ATF1: variants seen among roughly 807,000 people sequenced by gnomAD.
ATF1 encodes cyclic AMP-dependent transcription factor ATF-1.
ATF1 carries 16 observed loss-of-function variants against 34.7 expected under a neutral mutation model. That is an observed-to-expected ratio of 0.46 (90% CI 0.31 to 0.70). The LOEUF (loss-of-function observed/expected upper bound fraction) is 0.70. ATF1 is among the 30% of genes least tolerant of loss of function. ATF1 has a pLI of 0.05. For missense variants in ATF1, 255 were observed against 321.6 expected, an observed-to-expected ratio of 0.79 and a Z score of 1.58; for synonymous variants, 105 against 113.1, an observed-to-expected ratio of 0.93 and a Z score of 0.46.
intron 3 of ATF1, among the ~76,000 whole-genome samples, chr12:50,807,926 C>T (rs775198451): frequency 1.4e-4 from 22 of 151,854 alleles, no homozygotes; most frequent in Non-Finnish European, 2.8e-4. Flanking sequence ...TCTCCTGCCT[C>T]AGCCTCCCAA....
chr12:50,805,474 C>G (rs1316585712), intron 3 of ATF1, among the ~76,000 whole-genome samples: 1 of 148,194 alleles, frequency 6.7e-6, no homozygotes, highest in East Asian at 2.0e-4. Flanking sequence ...GGGAGGATCA[C>G]TTGAGCCTGG....
At chr12:50,795,871 C>T in intron 2 of ATF1, 38 bp from the exon 3 acceptor site, 1 of 1,498,688 alleles carries the variant, frequency 6.7e-7, no homozygotes. Context: ...CTTTTCCCAC[C>T]TGCATTGTTC....
intron 2 of ATF1, among the ~76,000 whole-genome samples, chr12:50,791,366 G>A (rs1340535906): frequency 1.3e-5 from 2 of 152,144 alleles, no homozygotes; most frequent in Non-Finnish European, 2.9e-5. Flanking sequence ...GACCAGCCTG[G>A]CCAACATGGG....
At chr12:50,785,995 A>C (rs1328465146) in intron 2 of ATF1, among the ~76,000 whole-genome samples, 1 of 152,008 alleles carries the variant, frequency 6.6e-6, no homozygotes, top group Non-Finnish European at 1.5e-5. Flanking sequence ...AGTCCCTCCC[A>C]CTCTCAAGGG....
At chr12:50,815,978 A>T (rs1171458086) in intron 6 of ATF1, among the ~76,000 whole-genome samples, 1 of 152,180 alleles carries the variant, frequency 6.6e-6, no homozygotes, top group East Asian at 1.9e-4. Context: ...GCACAAAAAG[A>T]AAAAATATCA....
intron 3 of ATF1, 92 bp downstream of exon 3, chr12:50,796,101 C>A: frequency 1.9e-6 from 2 of 1,050,416 alleles, no homozygotes; most frequent in Non-Finnish European, 2.7e-6. Context: ...GAAGTTAGCA[C>A]GCGTCAGTGT....
intron 1 of ATF1, among the ~76,000 whole-genome samples, chr12:50,768,172 C>T (rs867775258): frequency 3.3e-5 from 5 of 152,222 alleles, no homozygotes; most frequent in Middle Eastern, 3.4e-3. Context: ...CGCACCCAGC[C>T]AGCTTTTGCA....
intron 6 of ATF1, among the ~76,000 whole-genome samples, chr12:50,814,729 A>G (rs981187049): frequency 7.2e-5 from 11 of 152,224 alleles, no homozygotes; most frequent in African/African-American, 2.7e-4. Flanking sequence ...TATGTATAGA[A>G]CATAATACTT....
chr12:50,789,653 G>A (rs1028396717), intron 2 of ATF1, among the ~76,000 whole-genome samples: 2 of 152,080 alleles, frequency 1.3e-5, no homozygotes, highest in Non-Finnish European at 2.9e-5. Context: ...TACTCGGGAG[G>A]CTGAGGCAGG....
chr12:50,778,679 C>G (rs2139647776), intron 1 of ATF1, among the ~76,000 whole-genome samples: 1 of 152,224 alleles, frequency 6.6e-6, no homozygotes, highest in Admixed American at 6.5e-5. Context: ...CCTCCACCTC[C>G]CGGGTTCAAG....
intron 3 of ATF1, among the ~76,000 whole-genome samples, chr12:50,800,181 G>A (rs930689246): frequency 6.6e-6 from 1 of 152,182 alleles, no homozygotes; most frequent in Admixed American, 6.5e-5. Flanking sequence ...CTATGGAGGT[G>A]AGAAGATAAT....
At chr12:50,763,801 C>T (rs1940550819), upstream of ATF1, 1 of 152,300 alleles carries the variant, frequency 6.6e-6, no homozygotes, top group Non-Finnish European at 1.5e-5. Flanking sequence ...CCCAGCTGCT[C>T]ATGGCCTCCG....
intron 2 of ATF1, 122 bp downstream of exon 2, chr12:50,780,360 T>TC: frequency 1.1e-5 from 10 of 907,394 alleles, no homozygotes; most frequent in Non-Finnish European, 1.5e-5. Context: ...GTTTTTTTTT[T>TC]CGAGGCAGAT....
intron 1 of ATF1, among the ~76,000 whole-genome samples, chr12:50,772,676 TTCTCTC>T (rs60731667): frequency 2.7e-5 from 4 of 150,542 alleles, no homozygotes; most frequent in Middle Eastern, 3.4e-3. Flanking sequence ...AAATATATTT[TTCTCTC>T]TCTCTCTCTC....
rs1941919110 is a variant in ATF1 at position 50,820,052 on chromosome 12, A to G, written c.*273A>G. 3.5e-6 allele frequency: 1 copy of G among 286,758 alleles called. No individual in the cohort carries two copies. Among genetic ancestry groups the G allele is most frequent in the Admixed American group, 4.8e-5 (1 of 20,762 alleles). 17.8% of individuals were successfully genotyped at this position (286,758 alleles called of 1,614,324 possible). A position where few individuals can be genotyped will look rare whatever the true frequency, so the allele number is the denominator to read the frequency against. On this transcript the variant is annotated 3_prime_UTR_variant, in exon 7 of 7. Transcript: ENST00000262053. ...GCAGTCTAAATTTTCTAAATAACCA[A>G]TAGTTGCCAATCTAAAATGGCAGAG...
chr12:50,815,667 A>T (rs1224858590), intron 6 of ATF1, among the ~76,000 whole-genome samples: 3 of 152,040 alleles, frequency 2.0e-5, no homozygotes, highest in Non-Finnish European at 1.5e-5. Context: ...CTGGGATTAC[A>T]GGCATGAACC....
chr12:50,780,806 A>G (rs1464020683), intron 2 of ATF1, among the ~76,000 whole-genome samples: 1 of 152,112 alleles, frequency 6.6e-6, no homozygotes, highest in Non-Finnish European at 1.5e-5. Context: ...AATAAAAATC[A>G]AAAATTAGCC....
intron 2 of ATF1, among the ~76,000 whole-genome samples, chr12:50,782,624 G>A (rs1245218295): frequency 2.0e-5 from 3 of 148,608 alleles, no homozygotes; most frequent in African/African-American, 7.5e-5. Context: ...CAAACTCCTG[G>A]GCTCAAGTGA....
intron 1 of ATF1, among the ~76,000 whole-genome samples, chr12:50,778,987 G>C (rs1174737312): frequency 6.6e-6 from 1 of 152,178 alleles, no homozygotes; most frequent in African/African-American, 2.4e-5. Flanking sequence ...TGCTACTCTA[G>C]ATACGTCAAG....
Sources: gnomAD v4.1 joint callset for allele counts (sites outside exome capture counted in the v4.1 genomes callset) on GRCh38, gnomAD v4.1.1 for gene constraint, MANE v1.5 for transcripts, NCBI Gene and HGNC (gene_info 2026-07-23, HGNC 2026-07-21) for gene names.